The following DRC2 variants were observed in gnomAD, a reference collection of about 807,000 sequenced individuals.
The protein encoded by DRC2 is coiled-coil domain containing 65.
At chr12:48,918,851 TCACC>T in the DRC2 span, 1 of 1,614,028 alleles carries the variant, frequency 6.2e-7, no homozygotes, top group Non-Finnish European at 8.5e-7. Context: ...TTAGTCAGAC[TCACC>T]CTGGAAAGTA....
the DRC2 span, among the ~76,000 whole-genome samples, chr12:48,915,114 C>CTTTTTTTTTTTTTTTTTTT: frequency 7.5e-6 from 1 of 133,930 alleles, no homozygotes; most frequent in Non-Finnish European, 1.6e-5. Context: ...CACTTTCTTT[C>CTTTTTTTTTTTTTTTTTTT]TTTTTTTTTT....
the DRC2 span, chr12:48,914,524 A>G: frequency 1.2e-6 from 2 of 1,614,140 alleles, no homozygotes; most frequent in Non-Finnish European, 8.5e-7. Flanking sequence ...CCTGGAGGAA[A>G]GTTACAACAT....
At chr12:48,918,216 A>G in the DRC2 span, 2 of 1,517,050 alleles carry the variant, frequency 1.3e-6, no homozygotes, top group Non-Finnish European at 1.8e-6. Flanking sequence ...TGCTGGTAGA[A>G]GTGAAAGGGC....
chr12:48,920,111 T>TAA, the DRC2 span, among the ~76,000 whole-genome samples: 2,634 of 32,044 alleles, frequency 0.082, 321 homozygotes, highest in South Asian at 0.11. Flanking sequence ...AGACCCTGTC[T>TAA]AAAAAAAAAA....
At chr12:48,909,767 G>C in the DRC2 span, among the ~76,000 whole-genome samples, 1 of 147,996 alleles carries the variant, frequency 6.8e-6, no homozygotes, top group African/African-American at 2.5e-5. Context: ...GTGAGCCACC[G>C]CGCCCAGCCT....
At chr12:48,915,788 C>A in the DRC2 span, among the ~76,000 whole-genome samples, 20 of 150,800 alleles carry the variant, frequency 1.3e-4, no homozygotes, top group South Asian at 6.3e-4. Flanking sequence ...CTGACCCCCC[C>A]ACCTCCCTCC....
the DRC2 span, chr12:48,904,176 G>T: frequency 1.2e-6 from 1 of 865,148 alleles, no homozygotes; most frequent in South Asian, 1.7e-5. Flanking sequence ...CTGATAGCCG[G>T]GGATCTCTCC....
chr12:48,911,031 T>C, the DRC2 span, among the ~76,000 whole-genome samples: 2 of 152,300 alleles, frequency 1.3e-5, no homozygotes, highest in East Asian at 3.9e-4. Context: ...TGTTCCATAT[T>C]TTCCCATAAA....
chr12:48,904,860 G>A, the DRC2 span: 9 of 1,168,830 alleles, frequency 7.7e-6, no homozygotes, highest in Non-Finnish European at 1.1e-5. Flanking sequence ...AAAGGGGTAA[G>A]GTGTCAGCTG....
chr12:48,912,460 A>AAAAAC, the DRC2 span, among the ~76,000 whole-genome samples: 1 of 150,156 alleles, frequency 6.7e-6, no homozygotes, highest in Admixed American at 6.7e-5. Flanking sequence ...AAAAAAAAAA[A>AAAAAC]TTCATGTGCA....
the DRC2 span, chr12:48,905,073 C>T: frequency 3.7e-6 from 6 of 1,613,612 alleles, no homozygotes; most frequent in Non-Finnish European, 5.1e-6. Flanking sequence ...CTCAGCCAAA[C>T]ATTTGAACGA....
the DRC2 span, among the ~76,000 whole-genome samples, chr12:48,909,037 CTTTTTTTTTTTTTTT>C: frequency 2.4e-5 from 2 of 82,370 alleles, no homozygotes; most frequent in Non-Finnish European, 4.5e-5. Context: ...TTTTCTTTCT[CTTTTTTTTTTTTTTT>C]TTTTTTTTGA....
the DRC2 span, among the ~76,000 whole-genome samples, chr12:48,920,441 T>TTTAAA: frequency 1.7e-3 from 115 of 67,808 alleles, 9 homozygotes; most frequent in East Asian, 0.011. Flanking sequence ...AACTCCATCT[T>TTTAAA]AAAAAAAAAA....
chr12:48,908,420 T>C, the DRC2 span, among the ~76,000 whole-genome samples: 5 of 151,924 alleles, frequency 3.3e-5, no homozygotes, highest in Non-Finnish European at 7.4e-5. Context: ...TACTTTAAAG[T>C]AGTTTTCAAA....
At chr12:48,915,933 G>A in the DRC2 span, among the ~76,000 whole-genome samples, 5 of 150,968 alleles carry the variant, frequency 3.3e-5, no homozygotes, top group South Asian at 4.2e-4. Context: ...GGTGGCGGCC[G>A]GGCAGAGGCG....
chr12:48,921,365 C>T, the DRC2 span: 2 of 1,614,154 alleles, frequency 1.2e-6, no homozygotes, highest in Admixed American at 3.3e-5. Context: ...TCTTTATAGT[C>T]AACTATCAAA....
chr12:48,916,703 G>C, the DRC2 span, among the ~76,000 whole-genome samples: 2 of 152,042 alleles, frequency 1.3e-5, no homozygotes, highest in Non-Finnish European at 2.9e-5. Flanking sequence ...CCATTTGGCA[G>C]GGAACAGGGA....
the DRC2 span, among the ~76,000 whole-genome samples, chr12:48,907,113 G>A: frequency 4.3e-4 from 66 of 152,054 alleles, no homozygotes; most frequent in Non-Finnish European, 7.8e-4. Flanking sequence ...TACTCGGGAG[G>A]CTGAGGCGGG....
chr12:48,904,172 GC>G, the DRC2 span: 3 of 840,124 alleles, frequency 3.6e-6, no homozygotes, highest in South Asian at 3.4e-5. Context: ...CTCACTGATA[GC>G]CGGGGATCTC....
Sources: allele counts gnomAD v4.1 joint callset (sites outside exome capture counted in the v4.1 genomes callset), GRCh38; gene constraint gnomAD v4.1.1; transcripts MANE v1.5; gene names NCBI Gene and HGNC (gene_info 2026-07-23, HGNC 2026-07-21).